The following MTAP variants were observed in gnomAD, a reference collection of about 807,000 sequenced individuals.
MTAP encodes methylthioadenosine phosphorylase, also known as S-methyl-5'-thioadenosine phosphorylase.
In MTAP, 33 loss-of-function variants were observed where a neutral mutation model predicts 33.6. The observed-to-expected ratio is 0.98, with a 90% CI of 0.74 to 1.31. The LOEUF is 1.31. Ranked by LOEUF, MTAP falls within the 40% of genes most tolerant of loss-of-function variation. The pLI, the probability that MTAP is intolerant of heterozygous loss-of-function variation, is 0.00. For missense variants in MTAP, 367 were observed against 360.0 expected (o/e 1.02, Z -0.16); for synonymous variants, 148 against 125.7 (o/e 1.18, Z -1.19).
chr9:21,826,624 A>ATTATTATTG (rs1563836292), intron 4 of MTAP, among the ~76,000 whole-genome samples: 2 of 142,784 alleles, frequency 1.4e-5, no homozygotes, highest in African/African-American at 5.1e-5. Context: ...TATTATTATT[A>ATTATTATTG]TTATTATTAT....
intron 1 of MTAP, among the ~76,000 whole-genome samples, chr9:21,875,264 T>G (rs544132261): frequency 7.2e-5 from 11 of 152,028 alleles, no homozygotes; most frequent in African/African-American, 2.7e-4. Flanking sequence ...CTGTATTGTT[T>G]CCTGACTTTT....
chr9:21,930,338 C>T (rs1016521377), intron 1 of MTAP: 6 of 207,742 alleles, frequency 2.9e-5, no homozygotes, highest in Non-Finnish European at 4.8e-5. Context: ...TCTTAAAACC[C>T]AAGGAGCCTT....
At chr9:21,826,644 T>TATTATTATG (rs1824814797) in intron 4 of MTAP, among the ~76,000 whole-genome samples, 2 of 132,018 alleles carry the variant, frequency 1.5e-5, no homozygotes, top group African/African-American at 5.6e-5. Flanking sequence ...TTATTATTAT[T>TATTATTATG]ATTATTTAAC....
chr9:21,931,063 A>G (rs776805465), exon 2 of MTAP: 2 of 764,432 alleles, frequency 2.6e-6, no homozygotes, highest in Non-Finnish European at 4.8e-6. Flanking sequence ...AATATTCAAG[A>G]GTCACCCTTC....
intron 1 of MTAP, among the ~76,000 whole-genome samples, chr9:21,928,751 G>A (rs1392488675): frequency 6.6e-6 from 1 of 152,068 alleles, no homozygotes; most frequent in African/African-American, 2.4e-5. Context: ...ATCTCTGTCA[G>A]GAAATAGCAG....
chr9:21,898,692 C>G, intron 1 of MTAP, among the ~76,000 whole-genome samples: 1 of 152,208 alleles, frequency 6.6e-6, no homozygotes, highest in Non-Finnish European at 1.5e-5. Context: ...GATACCATCT[C>G]ACACCAGTTA....
At chr9:21,828,951 T>C (rs960280057) in intron 4 of MTAP, among the ~76,000 whole-genome samples, 16 of 152,184 alleles carry the variant, frequency 1.1e-4, no homozygotes, top group Admixed American at 3.9e-4. Flanking sequence ...TGAGCACATA[T>C]ATCATTCATT....
At chr9:21,891,439 A>C (rs1818199214) in intron 1 of MTAP, among the ~76,000 whole-genome samples, 1 of 152,242 alleles carries the variant, frequency 6.6e-6, no homozygotes, top group Admixed American at 6.5e-5. Flanking sequence ...AGCCATTTTA[A>C]GAAAGAAACA....
At chr9:21,887,844 G>T (rs542098892) in intron 1 of MTAP, among the ~76,000 whole-genome samples, 1 of 152,044 alleles carries the variant, frequency 6.6e-6, no homozygotes, top group Non-Finnish European at 1.5e-5. Flanking sequence ...GAGCTTTCAC[G>T]TCCTTGGTTA....
intron 5 of MTAP, among the ~76,000 whole-genome samples, chr9:21,838,505 G>T (rs1320167589): frequency 6.6e-6 from 1 of 152,230 alleles, no homozygotes; most frequent in East Asian, 1.9e-4. Flanking sequence ...ATGCCTGTCA[G>T]TTATGGAACA....
chr9:21,924,781 C>T (rs1303913985), intron 1 of MTAP, among the ~76,000 whole-genome samples: 1 of 152,214 alleles, frequency 6.6e-6, no homozygotes, highest in African/African-American at 2.4e-5. Flanking sequence ...GTTATGCTCC[C>T]TTCAAGAAGT....
chr9:21,851,839 C>A (rs7022408), intron 5 of MTAP, among the ~76,000 whole-genome samples: 38,290 of 151,924 alleles, frequency 0.25, 6,591 homozygotes, highest in African/African-American at 0.49. Flanking sequence ...CTAGCCTAGT[C>A]CCCCAGTCTA....
chr9:21,926,928 T>C (rs4977748), intron 1 of MTAP, among the ~76,000 whole-genome samples: 56,869 of 151,754 alleles, frequency 0.37, 13,931 homozygotes, highest in African/African-American at 0.68. Flanking sequence ...CCCAACCACC[T>C]AAAAGCAACT....
At chr9:21,861,730 A>C (rs1477626200) in intron 7 of MTAP, 5 of 534,518 alleles carry the variant, frequency 9.4e-6, no homozygotes, top group Non-Finnish European at 1.7e-5. Context: ...TATCAGAACA[A>C]TGCTCTGAGA....
chr9:21,826,074 T>A (rs542481589), intron 4 of MTAP, among the ~76,000 whole-genome samples: 15 of 152,334 alleles, frequency 9.8e-5, no homozygotes, highest in African/African-American at 3.1e-4. Flanking sequence ...TAAACATTTT[T>A]TTCCTATCTA....
chr9:21,856,715 C>T (rs759316042), intron 6 of MTAP, among the ~76,000 whole-genome samples: 1 of 152,160 alleles, frequency 6.6e-6, no homozygotes, highest in Non-Finnish European at 1.5e-5. Context: ...AGTGGAAAGG[C>T]TTGAAGACAG....
At chr9:21,906,459 A>G (rs1192353312) in intron 1 of MTAP, among the ~76,000 whole-genome samples, 2 of 151,958 alleles carry the variant, frequency 1.3e-5, no homozygotes. Flanking sequence ...ACGAGAGGAG[A>G]GAGGAGGAGA....
chr9:21,838,950 G>T (rs528092515), intron 5 of MTAP, among the ~76,000 whole-genome samples: 1 of 152,284 alleles, frequency 6.6e-6, no homozygotes, highest in South Asian at 2.1e-4. Flanking sequence ...GAGAGTAGAT[G>T]ATTTCTTTTA....
At chr9:21,930,006 C>G in intron 1 of MTAP, 1 of 423,668 alleles carries the variant, frequency 2.4e-6, no homozygotes, top group Non-Finnish European at 4.7e-6. Flanking sequence ...CTTCAGGCAA[C>G]TTTGCTAATT....
Sources: allele counts gnomAD v4.1 joint callset (sites outside exome capture counted in the v4.1 genomes callset), GRCh38; gene constraint gnomAD v4.1.1; transcripts MANE v1.5; gene names NCBI Gene and HGNC (gene_info 2026-07-23, HGNC 2026-07-21).